GATA3: variants seen among roughly 807,000 people sequenced by gnomAD.
The protein encoded by GATA3 is trans-acting T-cell-specific transcription factor GATA-3.
Under a neutral mutation model 36.0 loss-of-function variants are expected in GATA3, and 6 were observed. The ratio of observed to expected loss-of-function variants is 0.17; its 90% CI spans 0.09 to 0.33. GATA3 has a LOEUF of 0.33. Ranked by LOEUF, GATA3 falls within the 10% of genes least tolerant of loss-of-function variation. The pLI is 1.00. For synonymous variants in GATA3, 326 were observed against 273.0 expected, an observed-to-expected ratio of 1.19 and a Z score of -1.92; for missense variants, 514 against 610.1, an observed-to-expected ratio of 0.84 and a Z score of 1.66.
upstream of GATA3, chr10:8,050,849 G>T (rs1447462717): frequency 2.4e-6 from 1 of 414,866 alleles, no homozygotes; most frequent in South Asian, 1.9e-5. Context: ...CTCCCCCTCC[G>T]CGGGATTAGT....
At chr10:8,048,126 C>T (rs1359634320) in intron 1 of GATA3, among the ~76,000 whole-genome samples, 1 of 152,180 alleles carries the variant, frequency 6.6e-6, no homozygotes, top group Non-Finnish European at 1.5e-5. Flanking sequence ...ACACAATAGT[C>T]CCCAGATAAA....
rs755075472 is a variant in GATA3, at chr10:8,073,789, A to T, written c.1101A>T (p.Arg367=). The change falls in exon 6 of 6, where the codon CGA becomes CGT. Residue 367 remains arginine, a synonymous_variant. Transcript: ENST00000379328. Reference sequence around the variant, plus strand: ...AGGAAGGCATCCAGACCAGAAACCGAAAAATGTCTAGCAAATCCAAAAAGT... The same window carrying T: ...AGGAAGGCATCCAGACCAGAAACCGTAAAATGTCTAGCAAATCCAAAAAGT... ...MKKEGIQTRN[R]KMSSKSKKCK... 3 of 1,614,154 alleles carry T rather than the reference A, an allele frequency of 1.9e-6. No individual in the cohort carries two copies. Among genetic ancestry groups the T allele is most frequent in the Non-Finnish European group, 2.5e-6 (3 of 1,180,020 alleles).
At chr10:8,052,312 GTGC>G (rs1257602657), upstream of GATA3, 2 of 152,166 alleles carry the variant, frequency 1.3e-5, no homozygotes, top group African/African-American at 4.8e-5. Context: ...GTCCGACTTG[GTGC>G]TCGCGATTGA....
upstream of GATA3, chr10:8,050,746 C>T (rs966916495): frequency 3.1e-5 from 9 of 288,354 alleles, no homozygotes; most frequent in Admixed American, 4.4e-4. Flanking sequence ...TGCTGCCTCG[C>T]TGGAAATCCG....
At position 8,055,698 on chromosome 10, in the gene GATA3, C is replaced by T; in HGVS notation, c.43C>T (p.His15Tyr). The T allele has an allele frequency of 6.4e-7, 1 of 1,560,062 alleles. No individual in the cohort carries two copies. The highest frequency in any genetic ancestry group is 1.2e-5 in the South Asian group (1 of 84,768). ...CCAGCCGCGCTGGGTGAGCCACCAC[C>T]ACCCCGCCGTGCTCAACGGGCAGCA... ...ADQPRWVSHH[H>Y]PAVLNGQHPD... Residue 15 changes from histidine (H) to tyrosine (Y), a missense_variant, in exon 2 of 6, where the codon CAC becomes TAC. Physicochemically the swap from His to Tyr is moderately conservative, Grantham distance 83 (BLOSUM62 2). Coordinates refer to ENST00000379328, the MANE Select transcript of GATA3 (RefSeq NM_001002295.2). This position sits in a 1 kb window ranked among gnomAD's most constrained non-coding sequence, Gnocchi z 5.4.
chr10:8,065,503 C>T (rs1183028590), intron 4 of GATA3, among the ~76,000 whole-genome samples: 3 of 151,798 alleles, frequency 2.0e-5, no homozygotes, highest in South Asian at 2.1e-4. Context: ...GGTGATCCAC[C>T]GCCTCGGCCT....
chr10:8,069,887 G>GA lies in GATA3; in HGVS notation c.1050+301dup, dbSNP rs5783010. ...TGAGTGGGCCTGTGTGGTTTATAAG[G>GA]AAAAAAAAAAAATCTTCCTTTTGGA... On this transcript the variant is annotated intron_variant, in intron 5 of 5. Transcript: ENST00000379328. Among the ~76,000 whole-genome samples the GA allele has an allele frequency of 0.024, 3,562 of 146,834 alleles. 132 individuals carry two copies. Among genetic ancestry groups the GA allele is most frequent in the African/African-American group, 0.083 (3,352 of 40,502 alleles).
At chr10:8,056,015 T>A (rs1305558627) in intron 2 of GATA3, 119 bp downstream of exon 2, 1 of 1,366,192 alleles carries the variant, frequency 7.3e-7, no homozygotes, top group African/African-American at 1.5e-5. Flanking sequence ...CTGCCGTTCC[T>A]GGTTCATTTA....
intron 1 of GATA3, chr10:8,045,573 G>C (rs969139080): frequency 6.6e-6 from 1 of 152,332 alleles, no homozygotes; most frequent in African/African-American, 2.4e-5. Context: ...CCCGCTCCAC[G>C]TGGAGAGAAT....
At chr10:8,058,189 G>A in intron 2 of GATA3, 116 bp from the exon 3 acceptor site, 2 of 1,165,334 alleles carry the variant, frequency 1.7e-6, no homozygotes, top group Non-Finnish European at 1.3e-6. Context: ...CTGAGCCCGG[G>A]CTTTTGCTGA....
At chr10:8,048,771 T>A (rs1304808679), upstream of GATA3, among the ~76,000 whole-genome samples, 1 of 152,134 alleles carries the variant, frequency 6.6e-6, no homozygotes, top group African/African-American at 2.4e-5. Flanking sequence ...CACGTGTGAG[T>A]TGTTAAACCC....
chr10:8,049,002 ACT>A (rs201614507), upstream of GATA3, among the ~76,000 whole-genome samples: 5,943 of 148,800 alleles, frequency 0.04, 157 homozygotes, highest in Non-Finnish European at 0.057. Flanking sequence ...CTCTTTTTTG[ACT>A]CTCCCCACGG....
At chr10:8,068,271 A>T (rs1832878001) in intron 4 of GATA3, among the ~76,000 whole-genome samples, 1 of 152,230 alleles carries the variant, frequency 6.6e-6, no homozygotes, top group Non-Finnish European at 1.5e-5. Flanking sequence ...ATGCTACTCC[A>T]TGAACAGCAA....
rs150292819 is a variant in GATA3, at chr10:8,060,568, C to T, written c.778+1727C>T. On this transcript the variant is annotated intron_variant, in intron 3 of 5. Transcript: ENST00000379328. ...TTTAAAGTTCTCTTTTCTGGTAAGG[C>T]TATGAGGTTGGGGAGAGCTCGTGGT... 2.3e-3 allele frequency among the ~76,000 whole-genome samples: 343 copies of T among 151,054 alleles called. 2 individuals carry two copies. The highest frequency in any genetic ancestry group is 7.9e-3 in the African/African-American group (324 of 41,112).
At chr10:8,065,259 T>G (rs935719023) in intron 4 of GATA3, among the ~76,000 whole-genome samples, 2 of 139,300 alleles carry the variant, frequency 1.4e-5, no homozygotes, top group East Asian at 4.1e-4. Flanking sequence ...TTTCTTTTTT[T>G]TTTTTTTTTT....
At chr10:8,056,684 C>T (rs1319376489) in intron 2 of GATA3, among the ~76,000 whole-genome samples, 1 of 152,094 alleles carries the variant, frequency 6.6e-6, no homozygotes, top group Non-Finnish European at 1.5e-5. Context: ...GTACTGCCCT[C>T]CATTAGCCTC....
upstream of GATA3, among the ~76,000 whole-genome samples, chr10:8,054,221 C>G (rs1832572706): frequency 6.6e-6 from 1 of 152,196 alleles, no homozygotes; most frequent in African/African-American, 2.4e-5. This position sits in a 1 kb window ranked among gnomAD's most constrained non-coding sequence, Gnocchi z 4.2. Flanking sequence ...TGCGCTCTCC[C>G]AAACACCCTG....
At chr10:8,068,039 G>A (rs1165304139) in intron 4 of GATA3, among the ~76,000 whole-genome samples, 1 of 152,170 alleles carries the variant, frequency 6.6e-6, no homozygotes, top group African/African-American at 2.4e-5. Context: ...ATGATGGAAG[G>A]TGAGGAGGAG....
At chr10:8,067,805 G>A (rs955485151) in intron 4 of GATA3, among the ~76,000 whole-genome samples, 39 of 151,920 alleles carry the variant, frequency 2.6e-4, no homozygotes, top group Middle Eastern at 3.4e-3. Flanking sequence ...GCGACAGAGC[G>A]AGACTCCGTC....
Sources: gnomAD v4.1 joint callset for allele counts (sites outside exome capture counted in the v4.1 genomes callset) on GRCh38, gnomAD v4.1.1 for gene constraint, Gnocchi (gnomAD v3.1) non-coding constraint, MANE v1.5 for transcripts, NCBI Gene and HGNC (gene_info 2026-07-23, HGNC 2026-07-21) for gene names.